PTPRR: variants seen among roughly 807,000 people sequenced by gnomAD.
PTPRR encodes the protein receptor-type tyrosine-protein phosphatase R.
In PTPRR, 38 loss-of-function variants were observed where a neutral mutation model predicts 77.2. That is an observed-to-expected ratio of 0.49 (90% CI 0.38 to 0.65). The LOEUF (loss-of-function observed/expected upper bound fraction) is 0.65. PTPRR is among the 30% of genes least tolerant of loss of function. The probability of loss-of-function intolerance (pLI) is 0.00; values close to 1 mark genes in which losing one functional copy is unlikely to be tolerated. For missense variants in PTPRR, 744 were observed against 799.2 expected, an observed-to-expected ratio of 0.93 and a Z score of 0.83; for synonymous variants, 299 against 283.1, an observed-to-expected ratio of 1.06 and a Z score of -0.57.
intron 2 of PTPRR, among the ~76,000 whole-genome samples, chr12:70,804,829 G>A (rs564969540): frequency 6.6e-6 from 1 of 151,824 alleles, no homozygotes; most frequent in East Asian, 1.9e-4. Context: ...CACTGCACTG[G>A]TGTTTGCAGA....
rs943551068 is a variant in PTPRR, at chr12:70,761,768, A to G, written c.472-142T>C. 4.9e-6 allele frequency: 3 copies of G among 614,790 alleles called. No individual in the cohort carries two copies. In the African/African-American group the frequency reaches 5.7e-5, roughly 12 times the overall value. 38.1% of individuals were successfully genotyped at this position (614,790 alleles called of 1,614,324 possible). A position where few individuals can be genotyped will look rare whatever the true frequency, so the allele number is the denominator to read the frequency against. On this transcript the variant is annotated intron_variant, in intron 3 of 13. Coordinates refer to ENST00000283228, the MANE Select transcript of PTPRR (RefSeq NM_002849.4). ...TTTGTGGAGATTATATTTATTAGTT[A>G]TTCTCTGATAGACTTAATGTTACCA...
At chr12:70,880,109 T>C (rs940884315) in intron 2 of PTPRR, among the ~76,000 whole-genome samples, 2 of 151,900 alleles carry the variant, frequency 1.3e-5, no homozygotes, top group African/African-American at 4.8e-5. Flanking sequence ...GCCAAAAAGA[T>C]ACATTTTTCA....
intron 6 of PTPRR, among the ~76,000 whole-genome samples, chr12:70,710,002 C>T (rs1888765974): frequency 6.6e-6 from 1 of 152,052 alleles, no homozygotes; most frequent in Non-Finnish European, 1.5e-5. Context: ...TCTCATTTAA[C>T]TGTTACAACA....
intron 2 of PTPRR, among the ~76,000 whole-genome samples, chr12:70,776,220 A>G (rs1282897166): frequency 6.6e-6 from 1 of 152,098 alleles, no homozygotes; most frequent in African/African-American, 2.4e-5. Flanking sequence ...TTTATTCTTT[A>G]CACCACCACC....
intron 2 of PTPRR, among the ~76,000 whole-genome samples, chr12:70,828,900 C>T (rs1483171814): frequency 2.0e-5 from 3 of 152,170 alleles, no homozygotes; most frequent in African/African-American, 7.2e-5. Flanking sequence ...ATGATATTTA[C>T]TCATTTGAAA....
At chr12:70,907,948 G>T (rs558640548) in intron 1 of PTPRR, among the ~76,000 whole-genome samples, 9 of 152,282 alleles carry the variant, frequency 5.9e-5, no homozygotes, top group Non-Finnish European at 1.0e-4. Context: ...AATCACAGGA[G>T]TTCAGTTCTG....
At chr12:70,736,912 C>G (rs1889881504) in intron 6 of PTPRR, among the ~76,000 whole-genome samples, 3 of 152,176 alleles carry the variant, frequency 2.0e-5, no homozygotes, top group Admixed American at 2.0e-4. Flanking sequence ...AAACTTAGCT[C>G]TGCTGCGACC....
chr12:70,880,682 T>C (rs1242222584), intron 2 of PTPRR, among the ~76,000 whole-genome samples: 1 of 152,152 alleles, frequency 6.6e-6, no homozygotes, highest in Non-Finnish European at 1.5e-5. Context: ...AGAAATTAAA[T>C]AATTTTTTTG....
In PTPRR at chr12:70,737,486, A is replaced by ATTATC. The variant is rs1555171432; in HGVS notation, c.1007+8331_1007+8332insGATAA. On this transcript the variant is annotated intron_variant, in intron 6 of 13. Transcript: ENST00000283228. ...TTTCGATTATGGGTCTATTTAATGAATATCTATCTATCTATCTATCTATCT... is the reference window on the plus strand; with the variant it reads ...TTTCGATTATGGGTCTATTTAATGAATTATCTATCTATCTATCTATCTATCTATCT... 2.1e-3 allele frequency among the ~76,000 whole-genome samples: 296 copies of ATTATC among 144,240 alleles called. 1 individual carries two copies. The highest frequency in any genetic ancestry group is 6.3e-3 in the African/African-American group (245 of 38,652). 94.6% of individuals were successfully genotyped at this position (144,240 alleles called of 152,430 possible).
chr12:70,871,649 G>A (rs764675240), intron 2 of PTPRR, among the ~76,000 whole-genome samples: 2 of 152,030 alleles, frequency 1.3e-5, no homozygotes, highest in Admixed American at 6.6e-5. Flanking sequence ...ACTTGAGTAT[G>A]GTAAACATCA....
At chr12:70,700,649 A>T (rs531221960) in intron 7 of PTPRR, among the ~76,000 whole-genome samples, 1 of 152,268 alleles carries the variant, frequency 6.6e-6, no homozygotes, top group South Asian at 2.1e-4. Context: ...CACAGGATTA[A>T]CACTAGAGCC....
intron 13 of PTPRR, among the ~76,000 whole-genome samples, chr12:70,646,292 T>C (rs1886196307): frequency 6.6e-6 from 1 of 152,168 alleles, no homozygotes; most frequent in African/African-American, 2.4e-5. Flanking sequence ...TTTACACAGA[T>C]GTCATATCAA....
At chr12:70,833,841 T>C (rs1039469597) in intron 2 of PTPRR, among the ~76,000 whole-genome samples, 6 of 152,284 alleles carry the variant, frequency 3.9e-5, no homozygotes, top group African/African-American at 1.4e-4. Flanking sequence ...TTCAAGTTTT[T>C]CTGGGCTGCT....
chr12:70,775,914 C>T (rs1276900447), intron 2 of PTPRR, among the ~76,000 whole-genome samples: 1 of 152,136 alleles, frequency 6.6e-6, no homozygotes. Flanking sequence ...GAACGCTGAC[C>T]TGTTAGAGAC....
intron 8 of PTPRR, among the ~76,000 whole-genome samples, chr12:70,694,439 T>C (rs576252144): frequency 6.6e-6 from 1 of 152,252 alleles, no homozygotes; most frequent in South Asian, 2.1e-4. Flanking sequence ...AAAGAAAATG[T>C]GGTACACATA....
chr12:70,700,433 C>T (rs7973221), intron 7 of PTPRR, among the ~76,000 whole-genome samples: 8,345 of 152,134 alleles, frequency 0.055, 770 homozygotes, highest in African/African-American at 0.19. Context: ...TCTTTTTAGC[C>T]CACACTTGGT....
chr12:70,867,988 A>G (rs1892887016), intron 2 of PTPRR, among the ~76,000 whole-genome samples: 1 of 152,208 alleles, frequency 6.6e-6, no homozygotes, highest in Non-Finnish European at 1.5e-5. Flanking sequence ...AGCCATATGT[A>G]GAAAGCTGAA....
At chr12:70,707,740 C>T (rs186907427) in intron 6 of PTPRR, among the ~76,000 whole-genome samples, 14 of 152,190 alleles carry the variant, frequency 9.2e-5, no homozygotes, top group Admixed American at 5.9e-4. Context: ...TCTTGGAGCT[C>T]GCTGATATTG....
intron 13 of PTPRR, among the ~76,000 whole-genome samples, chr12:70,640,232 G>T (rs1338568520): frequency 1.3e-5 from 2 of 152,056 alleles, no homozygotes; most frequent in African/African-American, 4.8e-5. Context: ...TTGTGCAGTG[G>T]CATGATCACA....
Sources: allele counts gnomAD v4.1 joint callset (sites outside exome capture counted in the v4.1 genomes callset), GRCh38; gene constraint gnomAD v4.1.1; transcripts MANE v1.5; gene names NCBI Gene and HGNC (gene_info 2026-07-23, HGNC 2026-07-21).